BABAM2: variants seen among roughly 807,000 people sequenced by gnomAD.
BABAM2 encodes BRISC and BRCA1 A complex member 2.
BABAM2 carries 31 observed loss-of-function variants against 54.7 expected under a neutral mutation model. That is an observed-to-expected ratio of 0.57 (90% CI 0.43 to 0.77). BABAM2 has a LOEUF of 0.77. Among genes scored for constraint, BABAM2 ranks in the 30% least tolerant of loss-of-function variants. The pLI is 0.00. For synonymous variants in BABAM2, 167 were observed against 162.9 expected (o/e 1.03, Z -0.19); for missense variants, 364 against 455.8 (o/e 0.80, Z 1.83).
intron 4 of BABAM2, among the ~76,000 whole-genome samples, chr2:28,007,947 A>G (rs1573379049): frequency 2.6e-5 from 4 of 152,220 alleles, no homozygotes; most frequent in East Asian, 3.9e-4. Flanking sequence ...GACCCTGGAA[A>G]ATGTTTTGGA....
At chr2:27,917,014 CTTTTTT>C (rs753765833) in intron 2 of BABAM2, among the ~76,000 whole-genome samples, 1 of 90,108 alleles carries the variant, frequency 1.1e-5, no homozygotes, top group Non-Finnish European at 2.3e-5. Flanking sequence ...TCACTCCAAA[CTTTTTT>C]TTTTTTTTTT....
intron 2 of BABAM2, among the ~76,000 whole-genome samples, chr2:27,922,279 A>T (rs1667395110): frequency 6.6e-6 from 1 of 152,244 alleles, no homozygotes; most frequent in Admixed American, 6.5e-5. Context: ...CTTAAAAAGG[A>T]GTATAACATA....
upstream of BABAM2, chr2:27,890,414 C>T: frequency 1.4e-6 from 2 of 1,463,406 alleles, no homozygotes; most frequent in South Asian, 1.2e-5. The surrounding 1 kb of genome is among the most constrained non-coding windows in gnomAD (Gnocchi z 4.8). Flanking sequence ...TAACCAGAGA[C>T]GCCACTCCTG....
chr2:28,147,214 A>G (rs1199020871), intron 7 of BABAM2, among the ~76,000 whole-genome samples: 2 of 152,186 alleles, frequency 1.3e-5, no homozygotes, highest in Non-Finnish European at 2.9e-5. Context: ...AAGCCCAAGA[A>G]TGGAGCCTCT....
intron 6 of BABAM2, among the ~76,000 whole-genome samples, chr2:28,065,277 A>T (rs2148648686): frequency 6.6e-6 from 1 of 152,276 alleles, no homozygotes; most frequent in African/African-American, 2.4e-5. Context: ...CCACGTATTA[A>T]ACATAAAAAA....
chr2:28,079,166 G>A (rs72814433), intron 6 of BABAM2, among the ~76,000 whole-genome samples: 20,419 of 152,170 alleles, frequency 0.13, 1,988 homozygotes, highest in African/African-American at 0.28. Context: ...CATTAAGTGT[G>A]CCAGAGTTTC....
rs933628044 is a variant in BABAM2, at chr2:28,169,946, C to T, written c.680+40566C>T. On this transcript the variant is annotated intron_variant, in intron 7 of 11. Transcript: ENST00000379624. ...CCAGTATAGTTTTAAGCTTTAATAA[C>T]TTCAGAAATATAAATGCTTTAAACT... is the stretch of plus-strand genomic sequence containing the variant. Among the ~76,000 whole-genome samples the T allele has an allele frequency of 3.9e-5, 6 of 152,044 alleles. No individual in the cohort carries two copies. In the South Asian group the frequency reaches 1.2e-3, roughly 32 times the overall value.
At chr2:28,105,687 T>G (rs909375824) in intron 6 of BABAM2, among the ~76,000 whole-genome samples, 2 of 152,246 alleles carry the variant, frequency 1.3e-5, no homozygotes, top group Non-Finnish European at 2.9e-5. Flanking sequence ...ATAAGCCTTA[T>G]TAAGCAATTT....
At chr2:28,065,839 A>C (rs7565833) in intron 6 of BABAM2, among the ~76,000 whole-genome samples, 4,984 of 152,052 alleles carry the variant, frequency 0.033, 271 homozygotes, top group African/African-American at 0.11. Context: ...CAATTTATTC[A>C]ACAATATTTA....
chr2:28,081,959 T>C (rs1665211646), intron 6 of BABAM2, among the ~76,000 whole-genome samples: 1 of 152,244 alleles, frequency 6.6e-6, no homozygotes, highest in Admixed American at 6.5e-5. Flanking sequence ...TAATGTGCAA[T>C]GCATTTTGTG....
chr2:28,275,831 A>G (rs1045917514), intron 10 of BABAM2, among the ~76,000 whole-genome samples: 2 of 152,218 alleles, frequency 1.3e-5, no homozygotes, highest in Admixed American at 6.5e-5. Flanking sequence ...CTTAAGCTAC[A>G]GCCTGAAATA....
chr2:28,013,022 G>A (rs544901011), intron 4 of BABAM2, among the ~76,000 whole-genome samples: 1 of 152,302 alleles, frequency 6.6e-6, no homozygotes, highest in African/African-American at 2.4e-5. Flanking sequence ...ATTCAAGATG[G>A]AGTGGGGCTG....
intron 7 of BABAM2, among the ~76,000 whole-genome samples, chr2:28,203,113 C>T (rs1678458301): frequency 6.6e-6 from 1 of 152,134 alleles, no homozygotes; most frequent in Admixed American, 6.5e-5. Context: ...ACAGGTTGTA[C>T]CTTGACCTTT....
At chr2:28,051,765 C>G (rs949718024) in intron 6 of BABAM2, among the ~76,000 whole-genome samples, 2 of 152,042 alleles carry the variant, frequency 1.3e-5, no homozygotes, top group African/African-American at 4.8e-5. Context: ...TCCTTTGCCT[C>G]AGCCTTCCGA....
intron 3 of BABAM2, among the ~76,000 whole-genome samples, chr2:27,975,845 C>T (rs888151737): frequency 3.3e-5 from 5 of 151,724 alleles, no homozygotes; most frequent in African/African-American, 1.2e-4. Flanking sequence ...TTTCAAAAGT[C>T]AACATTAAGA....
chr2:28,128,406 A>G (rs1669757001), intron 6 of BABAM2, among the ~76,000 whole-genome samples: 1 of 152,236 alleles, frequency 6.6e-6, no homozygotes, highest in Non-Finnish European at 1.5e-5. Context: ...TTAATTCAGT[A>G]TTTTATTCAG....
At chr2:28,307,418 T>C (rs1451660796) in intron 11 of BABAM2, among the ~76,000 whole-genome samples, 2 of 151,708 alleles carry the variant, frequency 1.3e-5, no homozygotes, top group Non-Finnish European at 2.9e-5. Flanking sequence ...TTTTTTTTAT[T>C]CCTTTGTCCT....
intron 4 of BABAM2, among the ~76,000 whole-genome samples, chr2:28,000,776 C>A (rs748178379): frequency 4.6e-5 from 7 of 152,162 alleles, no homozygotes; most frequent in Non-Finnish European, 8.8e-5. Flanking sequence ...CAGTCCAATA[C>A]TATGTTATTT....
intron 11 of BABAM2, among the ~76,000 whole-genome samples, chr2:28,313,681 CCTACAGT>C (rs1689270547): frequency 1.3e-5 from 2 of 152,146 alleles, no homozygotes. Context: ...AACTAGTAAG[CCTACAGT>C]CTGTGTGTAG....
Sources: gnomAD v4.1 joint callset for allele counts (sites outside exome capture counted in the v4.1 genomes callset) on GRCh38, gnomAD v4.1.1 for gene constraint, Gnocchi (gnomAD v3.1) non-coding constraint, MANE v1.5 for transcripts, NCBI Gene and HGNC (gene_info 2026-07-23, HGNC 2026-07-21) for gene names.